The following NDST1 variants were observed in gnomAD, a reference collection of about 807,000 sequenced individuals.
NDST1 encodes the protein N-deacetylase and N-sulfotransferase 1, also known as bifunctional heparan sulfate N-deacetylase/N-sulfotransferase 1.
Under a neutral mutation model 92.8 loss-of-function variants are expected in NDST1, and 35 were observed. The ratio of observed to expected loss-of-function variants is 0.38; its 90% CI spans 0.29 to 0.50. The LOEUF is 0.50. NDST1 is among the 20% of genes least tolerant of loss of function. NDST1 has a pLI of 0.94. For synonymous variants in NDST1, 493 were observed against 500.3 expected (o/e 0.99, Z 0.19); for missense variants, 822 against 1,182.7 (o/e 0.69, Z 4.47).
chr5:150,546,774 C>G, intron 11 of NDST1, among the ~76,000 whole-genome samples: 1 of 152,270 alleles, frequency 6.6e-6, no homozygotes, highest in East Asian at 1.9e-4. Flanking sequence ...AGTCTCTCCT[C>G]CTGCCACTCT....
chr5:150,506,727 T>C (rs566696724), upstream of NDST1, among the ~76,000 whole-genome samples: 232 of 151,014 alleles, frequency 1.5e-3, no homozygotes, highest in Non-Finnish European at 2.7e-3. Flanking sequence ...TGCGCCTCCA[T>C]GTAAGTACTT....
chr5:150,547,052 C>T (rs536263647), intron 11 of NDST1, among the ~76,000 whole-genome samples: 1 of 152,340 alleles, frequency 6.6e-6, no homozygotes, highest in East Asian at 1.9e-4. Flanking sequence ...TGCTGTACAT[C>T]TGCACCTTAC....
intron 2 of NDST1, among the ~76,000 whole-genome samples, chr5:150,524,416 T>C (rs1754377311): frequency 6.6e-6 from 1 of 152,234 alleles, no homozygotes; most frequent in Non-Finnish European, 1.5e-5. Context: ...GTCATCCTCA[T>C]CTGGATCCCT....
At chr5:150,523,984 A>G (rs964688674) in intron 2 of NDST1, among the ~76,000 whole-genome samples, 2 of 151,986 alleles carry the variant, frequency 1.3e-5, no homozygotes, top group Admixed American at 1.3e-4. Context: ...TGCAAGACCA[A>G]CTTCCCCGCT....
intron 7 of NDST1, chr5:150,539,807 A>AC: frequency 1.0e-6 from 1 of 983,756 alleles, no homozygotes; most frequent in Non-Finnish European, 1.2e-6. Context: ...TCTTCCATGC[A>AC]CCCCACCCCT....
At chr5:150,549,956 A>G (rs770967481) in intron 13 of NDST1, among the ~76,000 whole-genome samples, 169 bp downstream of exon 13, 9 of 152,192 alleles carry the variant, frequency 5.9e-5, no homozygotes, top group Non-Finnish European at 1.3e-4. Flanking sequence ...ACCTTAAAAA[A>G]AAGGGAGATG....
upstream of NDST1, among the ~76,000 whole-genome samples, chr5:150,505,056 T>G (rs765071794): frequency 2.0e-5 from 3 of 152,248 alleles, no homozygotes; most frequent in African/African-American, 4.8e-5. Flanking sequence ...TTAATAAAGT[T>G]GGCATGTGAT....
At chr5:150,529,393 A>AC (rs2151280692) in intron 3 of NDST1, among the ~76,000 whole-genome samples, 1 of 139,742 alleles carries the variant, frequency 7.2e-6, no homozygotes, top group Non-Finnish European at 1.5e-5. Context: ...CCTGTCTCAA[A>AC]AAAAAAAAAA....
upstream of NDST1, among the ~76,000 whole-genome samples, chr5:150,506,394 A>C (rs946991917): frequency 3.9e-5 from 6 of 152,112 alleles, no homozygotes; most frequent in Non-Finnish European, 5.9e-5. Flanking sequence ...TTGGGATGAC[A>C]GGCGTGAGCC....
intron 1 of NDST1, among the ~76,000 whole-genome samples, chr5:150,509,711 G>A (rs567873872): frequency 2.0e-5 from 3 of 152,226 alleles, no homozygotes; most frequent in East Asian, 1.9e-4. Flanking sequence ...GGGTTTCACC[G>A]TGTTAGCCAG....
intron 9 of NDST1, among the ~76,000 whole-genome samples, chr5:150,542,232 GC>G (rs766108921): frequency 1.7e-4 from 26 of 152,106 alleles, no homozygotes; most frequent in Non-Finnish European, 3.2e-4. Context: ...ACTCTTAATT[GC>G]CAAACTCTAT....
At chr5:150,524,062 C>T (rs1754360755) in intron 2 of NDST1, among the ~76,000 whole-genome samples, 1 of 152,202 alleles carries the variant, frequency 6.6e-6, no homozygotes, top group Non-Finnish European at 1.5e-5. Flanking sequence ...TTTTCCAGTT[C>T]CCACTGATGC....
chr5:150,505,696 C>T (rs187445071), upstream of NDST1, among the ~76,000 whole-genome samples: 956 of 152,252 alleles, frequency 6.3e-3, 11 homozygotes, highest in African/African-American at 0.022. Context: ...CGGTTATGCT[C>T]CCTACAGAAT....
At chr5:150,516,623 C>G (rs1753978256) in intron 1 of NDST1, among the ~76,000 whole-genome samples, 1 of 152,080 alleles carries the variant, frequency 6.6e-6, no homozygotes, top group African/African-American at 2.4e-5. Context: ...GACTTTAGGT[C>G]TGTGGATGGG....
At chr5:150,518,483 G>A (rs1265671565) in intron 1 of NDST1, among the ~76,000 whole-genome samples, 2 of 152,120 alleles carry the variant, frequency 1.3e-5, no homozygotes, top group African/African-American at 2.4e-5. Flanking sequence ...AGTGCATCAT[G>A]GCAGAGCTGA....
At chr5:150,527,496 C>T (rs1754526451) in intron 2 of NDST1, among the ~76,000 whole-genome samples, 1 of 152,222 alleles carries the variant, frequency 6.6e-6, no homozygotes, top group Non-Finnish European at 1.5e-5. Context: ...GTGGTTTAGC[C>T]TCTCTAGGCC....
rs1755862172 is a variant in NDST1, at chr5:150,556,038, G to A, written c.*2706G>A. 6.6e-6 allele frequency: 1 copy of A among 152,364 alleles called. No individual in the cohort carries two copies. The highest frequency in any genetic ancestry group is 1.5e-5 in the Non-Finnish European group (1 of 68,196). 9.4% of individuals were successfully genotyped at this position (152,364 alleles called of 1,614,324 possible). ...GGAGAGGCAGATAAGCTGCCTGGGGGGCTGTTAGCTAATGGGTACAAGGAC... is the reference window on the plus strand; with the variant it reads ...GGAGAGGCAGATAAGCTGCCTGGGGAGCTGTTAGCTAATGGGTACAAGGAC... On this transcript the variant is annotated 3_prime_UTR_variant, in exon 15 of 15. Transcript: ENST00000261797.
At chr5:150,545,277 T>G (rs1755431012) in intron 10 of NDST1, 35 bp from the exon 11 acceptor site, 2 of 1,613,328 alleles carry the variant, frequency 1.2e-6, no homozygotes, top group South Asian at 2.2e-5. Context: ...CCTCATGAGT[T>G]TTGTCTGTGA....
chr5:150,548,621 C>T (rs74534677), intron 12 of NDST1, among the ~76,000 whole-genome samples: 3,709 of 152,106 alleles, frequency 0.024, 150 homozygotes, highest in East Asian at 0.16. Flanking sequence ...ACTATAGCCT[C>T]GATGTCCCGA....
Sources: allele counts gnomAD v4.1 joint callset (sites outside exome capture counted in the v4.1 genomes callset), GRCh38; gene constraint gnomAD v4.1.1; transcripts MANE v1.5; gene names NCBI Gene and HGNC (gene_info 2026-07-23, HGNC 2026-07-21).